APBB1IP: variants seen among roughly 807,000 people sequenced by gnomAD.
The protein encoded by APBB1IP is amyloid beta precursor protein binding family B member 1 interacting protein.
Under a neutral mutation model 64.9 loss-of-function variants are expected in APBB1IP, and 27 were observed. That is an observed-to-expected ratio of 0.42 (90% confidence interval 0.31 to 0.57). APBB1IP has a LOEUF of 0.57. Ranked by LOEUF, APBB1IP falls within the 20% of genes least tolerant of loss-of-function variation. The probability of loss-of-function intolerance (pLI) is 0.20; values close to 1 mark genes in which losing one functional copy is unlikely to be tolerated. For missense variants in APBB1IP, 812 were observed against 845.5 expected (o/e 0.96, Z 0.49); for synonymous variants, 392 against 331.0 (o/e 1.18, Z -2.00).
chr10:26,516,753 G>C (rs1430342041), intron 8 of APBB1IP, among the ~76,000 whole-genome samples: 1 of 152,042 alleles, frequency 6.6e-6, no homozygotes, highest in Non-Finnish European at 1.5e-5. Flanking sequence ...ATTTGTAGCT[G>C]TCTGTTTAGG....
intron 4 of APBB1IP, among the ~76,000 whole-genome samples, chr10:26,497,069 C>T (rs1836034506): frequency 6.6e-6 from 1 of 152,030 alleles, no homozygotes; most frequent in Admixed American, 6.6e-5. Flanking sequence ...GTGGCATGTG[C>T]CTGTGGTCTC....
intron 2 of APBB1IP, among the ~76,000 whole-genome samples, chr10:26,476,861 C>T (rs1349765552): frequency 6.6e-6 from 1 of 152,122 alleles, no homozygotes; most frequent in Non-Finnish European, 1.5e-5. Context: ...AGTACAATGG[C>T]GTGATCTCAG....
intron 11 of APBB1IP, among the ~76,000 whole-genome samples, chr10:26,556,875 T>C (rs1345215037): frequency 6.6e-6 from 1 of 152,180 alleles, no homozygotes; most frequent in African/African-American, 2.4e-5. Flanking sequence ...CTCTCTTACA[T>C]GACAATCAGA....
chr10:26,497,820 G>A (rs1426116392), intron 4 of APBB1IP, among the ~76,000 whole-genome samples: 1 of 147,446 alleles, frequency 6.8e-6, no homozygotes, highest in African/African-American at 2.5e-5. Flanking sequence ...TCTGCCCCCT[G>A]GGTTCAAGCG....
In APBB1IP at chr10:26,511,917, T is replaced by C; in HGVS notation, c.691+11T>C. The C allele has an allele frequency of 6.2e-7, 1 of 1,614,024 alleles. No homozygotes were observed. The highest frequency in any genetic ancestry group is 2.2e-5 in the East Asian group (1 of 44,888). On this transcript the variant is annotated intron_variant, in intron 7 of 14. Coordinates refer to ENST00000376236, the MANE Select transcript of APBB1IP (RefSeq NM_019043.4). ...CGGAACTACAAATTGGTAAGTCCCA[T>C]CCCCAGCAATGGGCTGTACTCCAAA...
At chr10:26,510,362 C>T (rs540624424) in intron 6 of APBB1IP, among the ~76,000 whole-genome samples, 20 of 152,260 alleles carry the variant, frequency 1.3e-4, no homozygotes, top group African/African-American at 2.6e-4. Flanking sequence ...TTCCTCCAAA[C>T]CTACAGATTT....
chr10:26,442,091 T>C (rs1202446194), intron 2 of APBB1IP, among the ~76,000 whole-genome samples: 2 of 152,108 alleles, frequency 1.3e-5, no homozygotes, highest in African/African-American at 4.8e-5. Context: ...AGAGGAGATG[T>C]AACTAGATGT....
chr10:26,441,006 A>G (rs192002269), intron 2 of APBB1IP, among the ~76,000 whole-genome samples: 1 of 152,298 alleles, frequency 6.6e-6, no homozygotes, highest in South Asian at 2.1e-4. Context: ...TCCATAGCCT[A>G]TTGGACCACA....
chr10:26,504,345 A>G (rs1018648595), intron 6 of APBB1IP, among the ~76,000 whole-genome samples: 4 of 152,218 alleles, frequency 2.6e-5, no homozygotes, highest in African/African-American at 4.8e-5. Flanking sequence ...GAACACATGT[A>G]TTGTATTGTA....
intron 8 of APBB1IP, among the ~76,000 whole-genome samples, chr10:26,532,443 A>G (rs1333036251): frequency 6.6e-6 from 1 of 152,070 alleles, no homozygotes; most frequent in Admixed American, 6.6e-5. Context: ...CTTAGAGACC[A>G]TGAGTCCACT....
At chr10:26,498,826 T>C (rs896466622) in intron 4 of APBB1IP, among the ~76,000 whole-genome samples, 3 of 152,194 alleles carry the variant, frequency 2.0e-5, no homozygotes, top group African/African-American at 7.2e-5. Context: ...AATCAAGATA[T>C]ACACATGTGG....
At chr10:26,531,954 A>G (rs904945518) in intron 8 of APBB1IP, among the ~76,000 whole-genome samples, 1 of 152,182 alleles carries the variant, frequency 6.6e-6, no homozygotes, top group Non-Finnish European at 1.5e-5. Flanking sequence ...TCTAAAGAAA[A>G]GCCAACGATA....
intron 8 of APBB1IP, among the ~76,000 whole-genome samples, chr10:26,525,425 T>C (rs77737993): frequency 0.044 from 6,670 of 152,274 alleles, 149 homozygotes; most frequent in South Asian, 0.085. Flanking sequence ...CTCTTGTTAC[T>C]CTCTCTCTTG....
At chr10:26,530,484 G>A (rs1256423153) in intron 8 of APBB1IP, among the ~76,000 whole-genome samples, 1 of 152,086 alleles carries the variant, frequency 6.6e-6, no homozygotes, top group African/African-American at 2.4e-5. Context: ...AAGGTCAGGA[G>A]ATCGAGACCA....
rs386361721 is a variant in APBB1IP at position 26,469,258 on chromosome 10, C to CTTTTTTTTTT, written c.1-23059_1-23050dup. ...GTGTTTTCTTTCCTTCTTTTCTTTT[C>CTTTTTTTTTT]TTTTTTTTTTTTTTTTTTTGAGACA... On this transcript the variant is annotated intron_variant, in intron 2 of 14. Transcript: ENST00000376236. 8.9e-4 allele frequency among the ~76,000 whole-genome samples: 100 copies of CTTTTTTTTTT among 112,894 alleles called. 1 individual carries two copies. The highest frequency in any genetic ancestry group is 1.2e-3 in the South Asian group (4 of 3,448). The allele number at this position is 112,894 out of a possible 152,430, so 74.1% of individuals were successfully genotyped here. A position where few individuals can be genotyped will look rare whatever the true frequency, so the allele number is the denominator to read the frequency against.
intron 10 of APBB1IP, among the ~76,000 whole-genome samples, chr10:26,537,728 G>A (rs1836643343): frequency 2.0e-5 from 3 of 151,996 alleles, no homozygotes; most frequent in Non-Finnish European, 1.5e-5. Context: ...GAGACCAGGA[G>A]TTCTAGACCA....
chr10:26,453,488 A>G (rs1002905564), intron 2 of APBB1IP, among the ~76,000 whole-genome samples: 3 of 152,246 alleles, frequency 2.0e-5, no homozygotes, highest in African/African-American at 7.2e-5. Context: ...CTCCTCGACT[A>G]GAAGCACTGG....
intron 2 of APBB1IP, among the ~76,000 whole-genome samples, chr10:26,449,320 T>C (rs1835439928): frequency 6.6e-6 from 1 of 152,140 alleles, no homozygotes; most frequent in South Asian, 2.1e-4. Flanking sequence ...TATCTGTGTG[T>C]GTGTGAAAGA....
At chr10:26,515,313 C>A (rs10829015) in intron 8 of APBB1IP, among the ~76,000 whole-genome samples, 55,496 of 152,024 alleles carry the variant, frequency 0.37, 10,459 homozygotes, top group East Asian at 0.47. Flanking sequence ...CCACAGGTAG[C>A]TAGACCTAGT....
Sources: allele counts gnomAD v4.1 joint callset (sites outside exome capture counted in the v4.1 genomes callset), GRCh38; gene constraint gnomAD v4.1.1; transcripts MANE v1.5; gene names NCBI Gene and HGNC (gene_info 2026-07-23, HGNC 2026-07-21).